Variants in IMMP1L observed in about 807,000 individuals in gnomAD.
The protein encoded by IMMP1L is mitochondrial inner membrane protease subunit 1.
Under a neutral mutation model 21.8 loss-of-function variants are expected in IMMP1L, and 24 were observed. The observed-to-expected ratio is 1.10, with a 90% CI of 0.80 to 1.55. The LOEUF (loss-of-function observed/expected upper bound fraction) is 1.55, where lower values mean the gene tolerates loss of function less well. IMMP1L is among the 40% of genes most tolerant of loss of function. IMMP1L has a pLI of 0.00. For synonymous variants in IMMP1L, 46 were observed against 62.8 expected, an observed-to-expected ratio of 0.73 and a Z score of 1.26; for missense variants, 195 against 200.7, an observed-to-expected ratio of 0.97 and a Z score of 0.17.
At chr11:31,500,053 T>G (rs1004530098) in intron 1 of IMMP1L, among the ~76,000 whole-genome samples, 1 of 152,156 alleles carries the variant, frequency 6.6e-6, no homozygotes, top group Non-Finnish European at 1.5e-5. Context: ...GGCCTCCTCA[T>G]CTGGCTATTA....
At chr11:31,440,339 A>G (rs981463504) in intron 4 of IMMP1L, among the ~76,000 whole-genome samples, 2 of 152,194 alleles carry the variant, frequency 1.3e-5, no homozygotes, top group Non-Finnish European at 2.9e-5. Context: ...CAAGTTCATG[A>G]CCAGTTATTC....
chr11:31,448,069 G>A (rs1953596118), intron 4 of IMMP1L, among the ~76,000 whole-genome samples: 2 of 152,108 alleles, frequency 1.3e-5, no homozygotes, highest in African/African-American at 4.8e-5. Context: ...AGCACTTTGG[G>A]AGGCCGAAGC....
chr11:31,436,200 C>A (rs1186020823), intron 4 of IMMP1L, among the ~76,000 whole-genome samples: 3 of 152,000 alleles, frequency 2.0e-5, no homozygotes. Flanking sequence ...ATATTATGTT[C>A]CACAAAGTTT....
chr11:31,479,774 G>A (rs1341982307), intron 1 of IMMP1L, among the ~76,000 whole-genome samples: 1 of 151,954 alleles, frequency 6.6e-6, no homozygotes, highest in Admixed American at 6.6e-5. Context: ...ACTTTAGCAG[G>A]TCTTATATTT....
chr11:31,452,671 T>C (rs976292653), intron 4 of IMMP1L: 3 of 988,968 alleles, frequency 3.0e-6, no homozygotes, highest in Non-Finnish European at 3.6e-6. Context: ...CAGTAGCCAA[T>C]GCTCAGTTCA....
chr11:31,506,149 C>T (rs1955771179), intron 1 of IMMP1L, among the ~76,000 whole-genome samples: 1 of 152,054 alleles, frequency 6.6e-6, no homozygotes. Context: ...TCTCCTGTAA[C>T]CTGAGCTCTG....
chr11:31,468,785 C>A (rs185675155), intron 1 of IMMP1L, among the ~76,000 whole-genome samples: 1 of 152,056 alleles, frequency 6.6e-6, no homozygotes, highest in Non-Finnish European at 1.5e-5. Context: ...TAGAGAATAA[C>A]GGGTGAGGCA....
chr11:31,448,019 G>A (rs1320344325), intron 4 of IMMP1L, among the ~76,000 whole-genome samples: 1 of 152,084 alleles, frequency 6.6e-6, no homozygotes, highest in African/African-American at 2.4e-5. Context: ...AGTAAAGACT[G>A]TTATAGCACC....
chr11:31,479,088 C>T (rs180790016), intron 1 of IMMP1L, among the ~76,000 whole-genome samples: 3 of 151,948 alleles, frequency 2.0e-5, no homozygotes, highest in African/African-American at 7.2e-5. Context: ...TTTACACAAA[C>T]ATCTGTCCAG....
intron 1 of IMMP1L, among the ~76,000 whole-genome samples, chr11:31,485,184 C>G (rs993549996): frequency 6.6e-6 from 1 of 151,682 alleles, no homozygotes; most frequent in Non-Finnish European, 1.5e-5. Flanking sequence ...TTTTTAAAGC[C>G]GTAATTTCAA....
intron 4 of IMMP1L, among the ~76,000 whole-genome samples, chr11:31,455,691 T>C (rs369623005): frequency 5.3e-5 from 8 of 152,168 alleles, no homozygotes; most frequent in African/African-American, 1.9e-4. Flanking sequence ...CCTCAATCTT[T>C]CCATGTTTTT....
intron 4 of IMMP1L, among the ~76,000 whole-genome samples, chr11:31,453,701 G>T (rs2133617668): frequency 6.6e-6 from 1 of 152,272 alleles, no homozygotes; most frequent in South Asian, 2.1e-4. Flanking sequence ...CTTAGGACTT[G>T]AATAACCCAG....
At chr11:31,466,655 C>T (rs1954364501) in intron 1 of IMMP1L, among the ~76,000 whole-genome samples, 3 of 151,886 alleles carry the variant, frequency 2.0e-5, no homozygotes, top group Non-Finnish European at 4.4e-5. Flanking sequence ...ATAAATCTGG[C>T]ACAGGAAGAA....
chr11:31,501,476 C>T (rs1417030013), intron 1 of IMMP1L, among the ~76,000 whole-genome samples: 2 of 152,162 alleles, frequency 1.3e-5, no homozygotes, highest in Non-Finnish European at 2.9e-5. Flanking sequence ...AGGACACCCT[C>T]GCTGGATACC....
intron 4 of IMMP1L, among the ~76,000 whole-genome samples, chr11:31,450,460 A>T (rs1953708316): frequency 6.6e-6 from 1 of 152,174 alleles, no homozygotes; most frequent in Non-Finnish European, 1.5e-5. Context: ...AGCCTGGTGA[A>T]TTTTTATTCT....
In IMMP1L at chr11:31,463,228, T is replaced by C. The variant is rs1262084370; in HGVS notation, c.49A>G (p.Ile17Val). 3.1e-6 allele frequency: 5 copies of C among 1,612,288 alleles called. No individual in the cohort carries two copies. Among genetic ancestry groups the C allele is most frequent in the Admixed American group, 1.7e-5 (1 of 59,878 alleles). The change falls in exon 2 of 6, where the codon ATT (isoleucine) becomes GTT (valine). Residue 17 changes from isoleucine (I) to valine (V), a missense_variant. Transcript: ENST00000532287. ...CAATGAGCTATACAGCCATATTGAA[T>C]AGTATAGCCAACAAGTCGAAAGGTT... ...GKTFRLVGYT[I>V]QYGCIAHCAF...
intron 3 of IMMP1L, among the ~76,000 whole-genome samples, chr11:31,458,698 T>C (rs889893455): frequency 3.3e-5 from 5 of 152,190 alleles, no homozygotes; most frequent in East Asian, 1.9e-4. Flanking sequence ...AAGTAAAAGT[T>C]ACCAGCTGGC....
chr11:31,450,985 G>C (rs947186818), intron 4 of IMMP1L, among the ~76,000 whole-genome samples: 6 of 152,062 alleles, frequency 3.9e-5, no homozygotes, highest in African/African-American at 1.4e-4. Flanking sequence ...TTCCTGAAAA[G>C]GGACAAATAG....
intron 4 of IMMP1L, among the ~76,000 whole-genome samples, chr11:31,455,195 T>C (rs927965920): frequency 3.9e-5 from 6 of 152,210 alleles, no homozygotes; most frequent in Non-Finnish European, 7.3e-5. Flanking sequence ...CCAGAGGCTA[T>C]TACGGTTCAA....
Sources: allele counts gnomAD v4.1 joint callset (sites outside exome capture counted in the v4.1 genomes callset), GRCh38; gene constraint gnomAD v4.1.1; transcripts MANE v1.5; gene names NCBI Gene and HGNC (gene_info 2026-07-23, HGNC 2026-07-21).